Variants in SGCZ observed in about 807,000 individuals in gnomAD.
SGCZ encodes zeta-sarcoglycan.
SGCZ carries 40 observed loss-of-function variants against 41.3 expected under a neutral mutation model. The ratio of observed to expected loss-of-function variants is 0.97; its 90% CI spans 0.75 to 1.26. The LOEUF is 1.26. Ranked by LOEUF, SGCZ falls within the 50% of genes most tolerant of loss-of-function variation. The pLI, the probability that SGCZ is intolerant of heterozygous loss-of-function variation, is 0.00. For synonymous variants in SGCZ, 206 were observed against 137.5 expected (o/e 1.50, Z -3.49); for missense variants, 552 against 369.8 (o/e 1.49, Z -4.04).
chr8:14,555,724 T>C (rs988656281), intron 1 of SGCZ, among the ~76,000 whole-genome samples: 48 of 152,102 alleles, frequency 3.2e-4, no homozygotes, highest in Non-Finnish European at 5.6e-4. Flanking sequence ...GGATTTTCTG[T>C]ACCTTTCTCT....
intron 1 of SGCZ, among the ~76,000 whole-genome samples, chr8:14,892,541 T>G (rs568706213): frequency 1.1e-4 from 17 of 152,322 alleles, no homozygotes; most frequent in Admixed American, 1.0e-3. Context: ...TTCCTTTTTT[T>G]GGGTAAAACC....
chr8:14,817,006 T>A (rs1801924193), intron 1 of SGCZ, among the ~76,000 whole-genome samples: 1 of 152,206 alleles, frequency 6.6e-6, no homozygotes, highest in South Asian at 2.1e-4. Flanking sequence ...GAAGGTCAAG[T>A]GGTACCATCA....
intron 1 of SGCZ, among the ~76,000 whole-genome samples, chr8:14,658,888 G>T (rs1227496257): frequency 6.6e-6 from 1 of 150,786 alleles, no homozygotes; most frequent in African/African-American, 2.4e-5. Flanking sequence ...AAAGAAGAAA[G>T]AAAGAAAAAA....
At chr8:14,708,232 T>G (rs1262598617) in intron 1 of SGCZ, among the ~76,000 whole-genome samples, 3 of 152,188 alleles carry the variant, frequency 2.0e-5, no homozygotes, top group East Asian at 3.9e-4. Flanking sequence ...TAGACTATTT[T>G]GCAACATATT....
At chr8:14,152,120 G>C (rs1441948213) in intron 5 of SGCZ, among the ~76,000 whole-genome samples, 1 of 151,940 alleles carries the variant, frequency 6.6e-6, no homozygotes, top group East Asian at 1.9e-4. Context: ...TGAAAGACTT[G>C]ACTAATAGAA....
At chr8:14,583,827 A>G (rs1324381128) in intron 1 of SGCZ, among the ~76,000 whole-genome samples, 1 of 56,720 alleles carries the variant, frequency 1.8e-5, no homozygotes, top group African/African-American at 5.1e-5. Context: ...ATGGCAAAAC[A>G]TATATATATA....
chr8:15,044,831 CTA>C (rs1196590915), intron 1 of SGCZ, among the ~76,000 whole-genome samples: 1 of 151,952 alleles, frequency 6.6e-6, no homozygotes, highest in African/African-American at 2.4e-5. Context: ...ACAAGAAATT[CTA>C]TGAGTAGTTT....
chr8:15,136,608 G>T (rs2116985927), intron 1 of SGCZ, among the ~76,000 whole-genome samples: 1 of 152,130 alleles, frequency 6.6e-6, no homozygotes, highest in South Asian at 2.1e-4. Context: ...TATGCTATTT[G>T]CCTTATAATG....
At chr8:14,529,249 C>A (rs1224617664) in intron 2 of SGCZ, among the ~76,000 whole-genome samples, 2 of 152,100 alleles carry the variant, frequency 1.3e-5, no homozygotes, top group Admixed American at 6.6e-5. Context: ...CAGCCATATG[C>A]TGAAGGGCAA....
chr8:15,118,276 G>T (rs183688500), intron 1 of SGCZ, among the ~76,000 whole-genome samples: 34 of 152,230 alleles, frequency 2.2e-4, no homozygotes, highest in African/African-American at 7.5e-4. Context: ...AAAGATTTGA[G>T]GAAATGTCTT....
intron 3 of SGCZ, among the ~76,000 whole-genome samples, chr8:14,320,171 G>A (rs1355663093): frequency 6.6e-6 from 1 of 151,198 alleles, no homozygotes; most frequent in Non-Finnish European, 1.5e-5. Flanking sequence ...TGACTAAAGT[G>A]ATTACTGATT....
chr8:14,223,943 A>G (rs1267506809), intron 4 of SGCZ, among the ~76,000 whole-genome samples: 6 of 152,176 alleles, frequency 3.9e-5, no homozygotes, highest in East Asian at 1.9e-4. Context: ...AATCATCAAC[A>G]TAACTCCAGT....
intron 1 of SGCZ, among the ~76,000 whole-genome samples, chr8:14,993,589 G>C (rs1254905472): frequency 6.6e-6 from 1 of 152,154 alleles, no homozygotes; most frequent in East Asian, 1.9e-4. Context: ...ATAGAGAATG[G>C]TCAGAAAAGT....
chr8:14,313,914 G>C (rs73666520), intron 3 of SGCZ, among the ~76,000 whole-genome samples: 34,615 of 79,448 alleles, frequency 0.44, 4,639 homozygotes, highest in South Asian at 0.56. Flanking sequence ...ATCTCTCTGT[G>C]TGTGTGTGTG....
rs1249591156 is a variant in SGCZ at position 14,239,606 on chromosome 8, T to C, written c.337-1927A>G. ...CATAAGCATTTGTATATATAATTTA[T>C]AGACTATGTAAGTATATTATAAGAA... is the stretch of plus-strand genomic sequence containing the variant. On this transcript the variant is annotated intron_variant, in intron 3 of 7. Coordinates refer to ENST00000382080, the MANE Select transcript of SGCZ (RefSeq NM_139167.4). Among the ~76,000 whole-genome samples, 5 of 152,202 alleles carry C rather than the reference T, an allele frequency of 3.3e-5. No homozygotes were observed. In the East Asian group the frequency reaches 5.8e-4, roughly 18 times the overall value.
chr8:14,312,486 G>A (rs1173465144), intron 3 of SGCZ, among the ~76,000 whole-genome samples: 2 of 152,110 alleles, frequency 1.3e-5, no homozygotes, highest in African/African-American at 4.8e-5. Flanking sequence ...AAATAATACT[G>A]TTGGTGCTTG....
At chr8:14,146,728 C>T (rs1033262317) in intron 5 of SGCZ, among the ~76,000 whole-genome samples, 2 of 149,920 alleles carry the variant, frequency 1.3e-5, no homozygotes, top group African/African-American at 5.0e-5. Context: ...AAAAATTAGC[C>T]GGGCGTAGTG....
At chr8:14,674,710 T>C (rs1808214100) in intron 1 of SGCZ, among the ~76,000 whole-genome samples, 1 of 151,902 alleles carries the variant, frequency 6.6e-6, no homozygotes, top group African/African-American at 2.4e-5. Flanking sequence ...TCCATCCCCT[T>C]TGTATTGTCC....
intron 1 of SGCZ, among the ~76,000 whole-genome samples, chr8:14,578,269 G>A (rs1804778145): frequency 6.6e-6 from 1 of 152,176 alleles, no homozygotes; most frequent in African/African-American, 2.4e-5. Flanking sequence ...CACCATACAT[G>A]CACCTTTTCC....
Sources: gnomAD v4.1 joint callset for allele counts (sites outside exome capture counted in the v4.1 genomes callset) on GRCh38, gnomAD v4.1.1 for gene constraint, MANE v1.5 for transcripts, NCBI Gene and HGNC (gene_info 2026-07-23, HGNC 2026-07-21) for gene names.